Variants in PSME3IP1 observed in about 807,000 individuals in gnomAD.
PSME3IP1 encodes PSME3-interacting protein.
Under a neutral mutation model 34.1 loss-of-function variants are expected in PSME3IP1, and 13 were observed. That is an observed-to-expected ratio of 0.38 (90% CI 0.25 to 0.61). The LOEUF is 0.61. Ranked by LOEUF, PSME3IP1 falls within the 20% of genes least tolerant of loss-of-function variation. The pLI is 0.60. For missense variants in PSME3IP1, 237 were observed against 301.4 expected (o/e 0.79, Z 1.58); for synonymous variants, 93 against 114.3 (o/e 0.81, Z 1.19).
In PSME3IP1 at chr16:57,154,267, C is replaced by T. The variant is rs117761256; in HGVS notation, c.*23G>A. 16,972 of 1,604,058 alleles carry T rather than the reference C, an allele frequency of 0.011. 110 individuals are homozygous for T. The highest frequency in any genetic ancestry group is 0.013 in the Non-Finnish European group (15,163 of 1,171,330). ...GGTCCGATCTACCCTTGGGGAGGAGCTCCCTGTGTAGGGACGGAGAAACTA... is the reference window on the plus strand; with the variant it reads ...GGTCCGATCTACCCTTGGGGAGGAGTTCCCTGTGTAGGGACGGAGAAACTA... On this transcript the variant is annotated 3_prime_UTR_variant, in exon 7 of 7. Coordinates refer to ENST00000309137, the MANE Select transcript of PSME3IP1 (RefSeq NM_024946.4). This position sits in a 1 kb window ranked among gnomAD's most constrained non-coding sequence, Gnocchi z 4.0.
chr16:57,163,332 G>A (rs1192337821), intron 6 of PSME3IP1, among the ~76,000 whole-genome samples: 3 of 152,092 alleles, frequency 2.0e-5, no homozygotes, highest in Non-Finnish European at 4.4e-5. Flanking sequence ...CTGGTGCTTA[G>A]TAGATGCATA....
At chr16:57,178,538 CA>C in intron 1 of PSME3IP1, 1 of 985,210 alleles carries the variant, frequency 1.0e-6, no homozygotes, top group Non-Finnish European at 1.2e-6. Context: ...AGAATCTGAG[CA>C]GGGAGGAATG....
intron 1 of PSME3IP1, among the ~76,000 whole-genome samples, chr16:57,185,234 A>G (rs2074062493): frequency 6.6e-6 from 1 of 152,174 alleles, no homozygotes; most frequent in South Asian, 2.1e-4. Flanking sequence ...ACGAACAAAC[A>G]GGTCTCCCCC....
intron 1 of PSME3IP1, among the ~76,000 whole-genome samples, chr16:57,177,749 T>C (rs1490153172): frequency 6.6e-6 from 1 of 152,118 alleles, no homozygotes; most frequent in African/African-American, 2.4e-5. Flanking sequence ...TGGTGGCTCA[T>C]GCCTATAATC....
chr16:57,183,626 C>T (rs1309386508), intron 1 of PSME3IP1, among the ~76,000 whole-genome samples: 1 of 152,138 alleles, frequency 6.6e-6, no homozygotes, highest in Non-Finnish European at 1.5e-5. Flanking sequence ...AGCTACCACG[C>T]CCAGCCAAAA....
intron 1 of PSME3IP1, chr16:57,181,450 T>G (rs1307321182): frequency 6.6e-6 from 1 of 152,048 alleles, no homozygotes; most frequent in Non-Finnish European, 1.5e-5. Flanking sequence ...ACAGTATAAT[T>G]CTGTGAGGGA....
chr16:57,162,490 T>C (rs2071372266), intron 6 of PSME3IP1, among the ~76,000 whole-genome samples: 1 of 151,336 alleles, frequency 6.6e-6, no homozygotes, highest in Non-Finnish European at 1.5e-5. Context: ...CATGGCGAAA[T>C]CCCGTCTCTA....
chr16:57,183,489 T>C (rs1221203955), intron 1 of PSME3IP1, among the ~76,000 whole-genome samples: 2 of 152,038 alleles, frequency 1.3e-5, no homozygotes, highest in Non-Finnish European at 2.9e-5. Flanking sequence ...CCCGCCACCA[T>C]GACTGGCTAA....
At chr16:57,170,081 C>CTTT (rs869047118) in intron 4 of PSME3IP1, among the ~76,000 whole-genome samples, 96 of 125,916 alleles carry the variant, frequency 7.6e-4, no homozygotes, top group African/African-American at 2.7e-3. Context: ...CCATACAACG[C>CTTT]TTTTTTTTTT....
At chr16:57,180,179 T>C (rs1479029298) in intron 1 of PSME3IP1, among the ~76,000 whole-genome samples, 3 of 152,222 alleles carry the variant, frequency 2.0e-5, no homozygotes, top group East Asian at 1.9e-4. Context: ...ATTTAATCCA[T>C]ATTTTAAATG....
chr16:57,162,286 A>G (rs2071345764), intron 6 of PSME3IP1, among the ~76,000 whole-genome samples: 1 of 152,246 alleles, frequency 6.6e-6, no homozygotes, highest in African/African-American at 2.4e-5. Flanking sequence ...ATATATTAAG[A>G]ATTATGAATG....
chr16:57,161,335 A>G (rs1344722292), intron 6 of PSME3IP1, among the ~76,000 whole-genome samples: 3 of 152,192 alleles, frequency 2.0e-5, no homozygotes, highest in African/African-American at 7.2e-5. Context: ...GTGGAAGAAG[A>G]GAGTCCAGAA....
intron 6 of PSME3IP1, among the ~76,000 whole-genome samples, chr16:57,162,945 AC>A (rs1396102737): frequency 6.6e-6 from 1 of 152,094 alleles, no homozygotes; most frequent in African/African-American, 2.4e-5. Context: ...CAGGCAGATC[AC>A]TTGAGGTCAG....
chr16:57,157,362 T>C (rs961123586), intron 6 of PSME3IP1, among the ~76,000 whole-genome samples: 1 of 150,396 alleles, frequency 6.6e-6, no homozygotes, highest in Non-Finnish European at 1.5e-5. Context: ...AAAGCATCTC[T>C]GTGTGTACTG....
chr16:57,174,672 T>TA (rs2073007663), intron 1 of PSME3IP1: 3 of 985,416 alleles, frequency 3.0e-6, no homozygotes, highest in Non-Finnish European at 3.6e-6. Context: ...ATTGAAGACT[T>TA]AGTGTTCAAG....
Position 57,173,843 on chromosome 16 carries a change from C to A in PSME3IP1, c.12G>T (p.Gly4=). 6.2e-7 allele frequency: 1 copy of A among 1,613,556 alleles called. No homozygotes were observed. Among genetic ancestry groups the A allele is most frequent in the Non-Finnish European group, 8.5e-7 (1 of 1,179,846 alleles). The change falls in exon 2 of 7, where the codon GGG becomes GGT. Residue 4 remains glycine (G), a synonymous_variant. Transcript: ENST00000309137. ...TTTTGATAATAAGGTTACCATCATC[C>A]CCTCCATCCATAATGAAACAACCAA... MDG[G]DDGNLIIKKR... is the part of the protein sequence containing the mutation.
Position 57,154,563 on chromosome 16 carries a change from T to G in PSME3IP1, c.548-56A>C, listed in dbSNP as rs2070297718. The stretch of plus-strand genomic sequence containing the variant: ...ATCACCCTTTTCCAAAGTTGGGGAC[T>G]GACTTACCATGTGCCAGGCACTGTA... On this transcript the variant is annotated intron_variant, in intron 6 of 6. Transcript: ENST00000309137. The surrounding 1 kb of genome is among the most constrained non-coding windows in gnomAD (Gnocchi z 4.0). The G allele has an allele frequency of 1.4e-6, 2 of 1,433,594 alleles. No homozygotes were observed. The allele number at this position is 1,433,594 out of a possible 1,614,324, so 88.8% of individuals were successfully genotyped here.
intron 1 of PSME3IP1, among the ~76,000 whole-genome samples, chr16:57,176,824 G>A (rs1330704486): frequency 6.6e-6 from 1 of 152,008 alleles, no homozygotes; most frequent in East Asian, 1.9e-4. Flanking sequence ...TGGTGTCCCA[G>A]TAAATGTCTC....
At chr16:57,181,697 C>T (rs1462817407) in intron 1 of PSME3IP1, 2 of 152,220 alleles carry the variant, frequency 1.3e-5, no homozygotes, top group Non-Finnish European at 2.9e-5. Context: ...CCCATGACCC[C>T]CTCCTTAGGT....
Sources: gnomAD v4.1 joint callset for allele counts (sites outside exome capture counted in the v4.1 genomes callset) on GRCh38, gnomAD v4.1.1 for gene constraint, Gnocchi (gnomAD v3.1) non-coding constraint, MANE v1.5 for transcripts, NCBI Gene and HGNC (gene_info 2026-07-23, HGNC 2026-07-21) for gene names.